LINGO1: variants seen among roughly 807,000 people sequenced by gnomAD.
LINGO1 encodes leucine rich repeat and Ig domain containing 1.
In LINGO1, 11 loss-of-function variants were observed where a neutral mutation model predicts 37.3. The observed-to-expected ratio is 0.29, with a 90% CI of 0.19 to 0.49. The LOEUF is 0.49. Among genes scored for constraint, LINGO1 ranks in the 20% least tolerant of loss-of-function variants. The pLI is 0.99. For missense variants in LINGO1, 585 were observed against 878.2 expected, an observed-to-expected ratio of 0.67 and a Z score of 4.22; for synonymous variants, 387 against 403.0, an observed-to-expected ratio of 0.96 and a Z score of 0.48.
intron 1 of LINGO1, among the ~76,000 whole-genome samples, chr15:77,742,763 T>C (rs1056660989): frequency 6.6e-6 from 1 of 151,104 alleles, no homozygotes; most frequent in Non-Finnish European, 1.5e-5. Context: ...CCAGGGAGAG[T>C]GGGAGCACGG....
chr15:77,637,165 C>T (rs1186933404), upstream of LINGO1, among the ~76,000 whole-genome samples: 1 of 152,212 alleles, frequency 6.6e-6, no homozygotes, highest in Non-Finnish European at 1.5e-5. This position sits in a 1 kb window ranked among gnomAD's most constrained non-coding sequence, Gnocchi z 4.6. Context: ...CATGGGGCAG[C>T]CAACATGGGG....
intron 1 of LINGO1, among the ~76,000 whole-genome samples, chr15:77,624,427 G>A (rs1176980427): frequency 2.0e-5 from 3 of 152,124 alleles, no homozygotes; most frequent in Non-Finnish European, 4.4e-5. Flanking sequence ...CCCTAGGCAC[G>A]CACTCGGCCA....
chr15:77,810,091 C>T (rs1040627379), intron 1 of LINGO1, among the ~76,000 whole-genome samples: 3 of 152,090 alleles, frequency 2.0e-5, no homozygotes, highest in Non-Finnish European at 4.4e-5. Context: ...CTCCTCCTTG[C>T]TGTGGGGGCT....
At chr15:77,711,235 C>T (rs1692053906) in intron 2 of LINGO1, among the ~76,000 whole-genome samples, 1 of 152,236 alleles carries the variant, frequency 6.6e-6, no homozygotes, top group South Asian at 2.1e-4. Context: ...TGAACAATTG[C>T]TTCTTGCCCT....
chr15:77,627,268 T>A (rs1176235129), intron 1 of LINGO1, among the ~76,000 whole-genome samples: 3 of 152,034 alleles, frequency 2.0e-5, no homozygotes, highest in Non-Finnish European at 4.4e-5. Context: ...TTTAACCAGC[T>A]CCAGGGGCCC....
intron 2 of LINGO1, among the ~76,000 whole-genome samples, chr15:77,794,582 A>ATC: frequency 3.6e-5 from 1 of 27,810 alleles, no homozygotes; most frequent in African/African-American, 7.8e-5. Context: ...ATATATATAT[A>ATC]TATATATATT....
chr15:77,740,375 C>G (rs1220907057), intron 1 of LINGO1, among the ~76,000 whole-genome samples: 1 of 152,188 alleles, frequency 6.6e-6, no homozygotes, highest in Non-Finnish European at 1.5e-5. Flanking sequence ...GCATTCAAGG[C>G]CTTTCCTAGC....
intron 1 of LINGO1, among the ~76,000 whole-genome samples, chr15:77,749,097 G>A (rs2076345643): frequency 6.6e-6 from 1 of 151,530 alleles, no homozygotes; most frequent in African/African-American, 2.4e-5. Context: ...TAGTAGAGAC[G>A]GGGTTTCGTC....
upstream of LINGO1, among the ~76,000 whole-genome samples, chr15:77,635,170 G>A (rs561372324): frequency 6.6e-5 from 10 of 152,326 alleles, no homozygotes; most frequent in African/African-American, 2.4e-4. Flanking sequence ...CTGTGTCTGG[G>A]AGGAAGAGCC....
At chr15:77,684,926 G>A (rs2075478436) in intron 2 of LINGO1, among the ~76,000 whole-genome samples, 1 of 152,130 alleles carries the variant, frequency 6.6e-6, no homozygotes, top group Non-Finnish European at 1.5e-5. Flanking sequence ...TCGGGGTGGT[G>A]CCCGGGGAGG....
At chr15:77,751,529 G>A (rs1222071638) in intron 1 of LINGO1, among the ~76,000 whole-genome samples, 3 of 152,276 alleles carry the variant, frequency 2.0e-5, no homozygotes, top group South Asian at 4.1e-4. Flanking sequence ...TATGGGGTAG[G>A]GGGGACACAG....
intron 3 of LINGO1, among the ~76,000 whole-genome samples, chr15:77,664,255 A>G (rs886242640): frequency 6.6e-6 from 1 of 151,946 alleles, no homozygotes; most frequent in Non-Finnish European, 1.5e-5. Context: ...CTGGGAAATG[A>G]GACAGAAATC....
At chr15:77,625,476 C>T (rs935124078) in intron 1 of LINGO1, among the ~76,000 whole-genome samples, 1 of 152,134 alleles carries the variant, frequency 6.6e-6, no homozygotes, top group South Asian at 2.1e-4. Context: ...GATTTGAACC[C>T]CAATGGTTTG....
chr15:77,809,032 A>G (rs1178324642), intron 1 of LINGO1, among the ~76,000 whole-genome samples: 1 of 152,226 alleles, frequency 6.6e-6, no homozygotes, highest in Non-Finnish European at 1.5e-5. Context: ...TTGCACACAC[A>G]TGGAGGCCCA....
rs2075827599 is a variant in LINGO1, at chr15:77,704,686, C to T, written c.-194-13785G>A. ...AGACACTGAGCCCCGAGCCTAGTCA[C>T]AGACTGGGCTCGGACCCTGGTCATA... On this transcript the variant is annotated intron_variant, in intron 2 of 3. Coordinates refer to the LINGO1 transcript ENST00000561686. 2.0e-5 allele frequency among the ~76,000 whole-genome samples: 3 copies of T among 151,812 alleles called. No individual in the cohort carries two copies. The East Asian group carries it at 5.8e-4, about 29-fold the overall frequency.
At chr15:77,720,440 C>T (rs999393172) in intron 2 of LINGO1, among the ~76,000 whole-genome samples, 8 of 152,186 alleles carry the variant, frequency 5.3e-5, no homozygotes, top group African/African-American at 1.4e-4. Flanking sequence ...GGCAGCAGGT[C>T]GCCTTTTGGA....
At chr15:77,674,045 C>T (rs2075291610) in intron 3 of LINGO1, among the ~76,000 whole-genome samples, 1 of 152,042 alleles carries the variant, frequency 6.6e-6, no homozygotes, top group African/African-American at 2.4e-5. Flanking sequence ...CACTCCTGTC[C>T]ACCACTGAAC....
At chr15:77,685,018 G>T (rs113661594) in intron 2 of LINGO1, among the ~76,000 whole-genome samples, 2 of 150,846 alleles carry the variant, frequency 1.3e-5, no homozygotes, top group African/African-American at 4.9e-5. Context: ...AGGATGGGGG[G>T]TGTGGACAGA....
rs555432072 is a variant in LINGO1, at chr15:77,792,823, C to T, written c.-343+3116G>A. 4.6e-5 allele frequency among the ~76,000 whole-genome samples: 7 copies of T among 152,336 alleles called. No homozygotes were observed. The South Asian group carries it at 1.2e-3, about 27-fold the overall frequency. ...AGAACAATGCCTCATGTGTAGCAGG[C>T]GCTCAGTGAGTATGCGCTGAAGGAA... On this transcript the variant is annotated intron_variant, in intron 2 of 5. Transcript: ENST00000562933.
Sources: gnomAD v4.1 joint callset for allele counts (sites outside exome capture counted in the v4.1 genomes callset) on GRCh38, gnomAD v4.1.1 for gene constraint, Gnocchi (gnomAD v3.1) non-coding constraint, MANE v1.5 for transcripts, NCBI Gene and HGNC (gene_info 2026-07-23, HGNC 2026-07-21) for gene names.